CFAP54: variants seen among roughly 807,000 people sequenced by gnomAD.
CFAP54 encodes the protein cilia- and flagella-associated protein 54.
A neutral mutation model predicts 370.4 loss-of-function variants in CFAP54; 290 were observed. The ratio of observed to expected loss-of-function variants is 0.78; its 90% CI spans 0.71 to 0.86. The LOEUF is 0.86. Among genes scored for constraint, CFAP54 ranks in the 40% least tolerant of loss-of-function variants. The pLI, the probability that CFAP54 is intolerant of heterozygous loss-of-function variation, is 0.00. For synonymous variants in CFAP54, 1,206 were observed against 1,236.5 expected (o/e 0.98, Z 0.52); for missense variants, 3,399 against 3,528.7 (o/e 0.96, Z 0.93).
intron 28 of CFAP54, among the ~76,000 whole-genome samples, chr12:96,625,316 C>T (rs766629821): frequency 2.0e-5 from 3 of 152,112 alleles, no homozygotes; most frequent in African/African-American, 7.2e-5. Flanking sequence ...GAATTTGAAC[C>T]CAGCCAGTCT....
intron 36 of CFAP54, 49 bp downstream of exon 36, chr12:96,651,864 G>T (rs74369572): frequency 4.2e-6 from 5 of 1,179,544 alleles, no homozygotes; most frequent in East Asian, 5.1e-5. Context: ...TAAAAATATC[G>T]TACTGTGCAT....
At chr12:96,563,122 A>G (rs541390103) in intron 17 of CFAP54, among the ~76,000 whole-genome samples, 36 of 152,298 alleles carry the variant, frequency 2.4e-4, no homozygotes, top group Middle Eastern at 3.4e-3. Flanking sequence ...TTTTAAACTC[A>G]TGGAGTTCCT....
At chr12:96,632,046 T>C (rs1956615504) in intron 32 of CFAP54, among the ~76,000 whole-genome samples, 1 of 152,036 alleles carries the variant, frequency 6.6e-6, no homozygotes, top group South Asian at 2.1e-4. Context: ...CTATGTGGTA[T>C]GAAATTTTAT....
At chr12:96,711,203 T>A (rs927092024) in intron 48 of CFAP54, among the ~76,000 whole-genome samples, 2 of 152,208 alleles carry the variant, frequency 1.3e-5, no homozygotes, top group Non-Finnish European at 2.9e-5. Flanking sequence ...AATTTTTTCA[T>A]AGTATTCCTT....
At chr12:96,562,396 C>T (rs534702117) in intron 17 of CFAP54, among the ~76,000 whole-genome samples, 6 of 148,442 alleles carry the variant, frequency 4.0e-5, no homozygotes, top group Non-Finnish European at 7.5e-5. Context: ...CAATTTGATA[C>T]ATACTTGTGA....
rs551481719 is a variant in CFAP54, at chr12:96,829,092, T to C, written c.9171+4T>C. On this transcript the variant is annotated splice_donor_region_variant and intron_variant, in intron 66 of 67. Coordinates refer to ENST00000524981, the MANE Select transcript of CFAP54 (RefSeq NM_001306084.2). The stretch of plus-strand genomic sequence containing the variant: ...AGAGCCAACACCACTATCTGAGGTA[T>C]GTATTTCTCCTTTAAAATTGTATCT... 516 of 1,473,004 alleles carry C rather than the reference T, an allele frequency of 3.5e-4. 3 individuals are homozygous for C. The highest frequency in any genetic ancestry group is 1.9e-3 in the South Asian group (156 of 81,122). The allele number at this position is 1,473,004 out of a possible 1,614,324, so 91.2% of individuals were successfully genotyped here.
chr12:96,808,089 A>G (rs112721213), intron 63 of CFAP54, among the ~76,000 whole-genome samples: 19 of 152,256 alleles, frequency 1.2e-4, no homozygotes, highest in African/African-American at 4.3e-4. Flanking sequence ...CTTATCTTTA[A>G]CTTAGAGTCA....
At chr12:96,701,122 A>T (rs142886634) in intron 46 of CFAP54, among the ~76,000 whole-genome samples, 17 of 152,136 alleles carry the variant, frequency 1.1e-4, no homozygotes, top group Admixed American at 6.5e-5. Flanking sequence ...AGGCAATTGG[A>T]TACATGTATG....
At chr12:96,800,958 C>A (rs1958813292) in intron 63 of CFAP54, among the ~76,000 whole-genome samples, 1 of 152,164 alleles carries the variant, frequency 6.6e-6, no homozygotes, top group African/African-American at 2.4e-5. Context: ...AGATGATGGT[C>A]CTGGCTATAG....
At chr12:96,602,326 T>G (rs151070861) in intron 26 of CFAP54, among the ~76,000 whole-genome samples, 5,040 of 152,258 alleles carry the variant, frequency 0.033, 284 homozygotes, top group African/African-American at 0.12. Flanking sequence ...AGAGACAGTT[T>G]GTTGTGATTT....
chr12:96,613,521 G>A (rs1365015646), intron 26 of CFAP54, among the ~76,000 whole-genome samples: 3 of 152,170 alleles, frequency 2.0e-5, no homozygotes, highest in African/African-American at 7.2e-5. Flanking sequence ...ACTAAGATCA[G>A]AGTAGAACTG....
At chr12:96,785,177 A>C (rs1484048094) in intron 61 of CFAP54, among the ~76,000 whole-genome samples, 3 of 152,224 alleles carry the variant, frequency 2.0e-5, no homozygotes, top group Non-Finnish European at 4.4e-5. Context: ...CAAAGTTAAG[A>C]ACTAGTGATT....
chr12:96,840,075 A>G (rs1422335025), intron 66 of CFAP54, among the ~76,000 whole-genome samples: 1 of 152,210 alleles, frequency 6.6e-6, no homozygotes, highest in Non-Finnish European at 1.5e-5. Context: ...GCTTGAAGTC[A>G]ACTTTTAAGA....
intron 50 of CFAP54, among the ~76,000 whole-genome samples, chr12:96,728,255 A>G (rs1468798913): frequency 2.0e-5 from 3 of 152,120 alleles, no homozygotes; most frequent in African/African-American, 7.2e-5. Context: ...TCTCCTGGAT[A>G]ATATCCTGCA....
At chr12:96,503,042 C>T (rs554060605) in intron 2 of CFAP54, among the ~76,000 whole-genome samples, 66 of 139,904 alleles carry the variant, frequency 4.7e-4, no homozygotes, top group African/African-American at 1.5e-3. Context: ...TTTCCTTCCT[C>T]TCTCCCTCCC....
chr12:96,741,487 A>G (rs1958051005), intron 51 of CFAP54, among the ~76,000 whole-genome samples: 1 of 152,106 alleles, frequency 6.6e-6, no homozygotes, highest in African/African-American at 2.4e-5. Flanking sequence ...CCTTGTTTCC[A>G]GGGAACACCT....
chr12:96,704,220 T>G (rs1020097838), intron 46 of CFAP54, among the ~76,000 whole-genome samples: 3 of 151,580 alleles, frequency 2.0e-5, no homozygotes, highest in South Asian at 2.1e-4. Context: ...GAGGTCAGGA[T>G]ATCAAGACCA....
Position 96,554,705 on chromosome 12 carries a change from C to G in CFAP54, c.2313C>G (p.Tyr771Ter). 2.6e-6 allele frequency: 4 copies of G among 1,534,286 alleles called. No homozygotes were observed. The highest frequency in any genetic ancestry group is 3.5e-6 in the Non-Finnish European group (4 of 1,145,762). ...KRTHHIDGDT[Y>*]KPLASNSFMM... ...CCCACCATATAGATGGAGATACTTA[C>G]AAACCACTTGCCTCAAATAGTTTCA... The change falls in exon 17 of 68, where the codon TAC becomes TAG. Residue 771 changes from tyrosine (Y) to a stop codon, truncating the protein, a stop_gained. Transcript: ENST00000524981. LOFTEE classifies it high-confidence loss of function.
At chr12:96,608,970 A>G (rs374478744) in intron 26 of CFAP54, among the ~76,000 whole-genome samples, 11 of 152,372 alleles carry the variant, frequency 7.2e-5, no homozygotes, top group African/African-American at 2.4e-4. Context: ...TTCAGAAGAC[A>G]GAAATTACCA....
Sources: allele counts gnomAD v4.1 joint callset (sites outside exome capture counted in the v4.1 genomes callset), GRCh38; gene constraint gnomAD v4.1.1; transcripts MANE v1.5; gene names NCBI Gene and HGNC (gene_info 2026-07-23, HGNC 2026-07-21).